The following GNS variants were observed in gnomAD, a reference collection of about 807,000 sequenced individuals.
GNS encodes N-acetylglucosamine-6-sulfatase.
In GNS, 40 loss-of-function variants were observed where a neutral mutation model predicts 69.7. The observed-to-expected ratio is 0.57, with a 90% CI of 0.45 to 0.75. The LOEUF is 0.75. GNS is among the 30% of genes least tolerant of loss of function. GNS has a pLI of 0.00. For missense variants in GNS, 565 were observed against 685.5 expected (o/e 0.82, Z 1.96); for synonymous variants, 243 against 251.6 (o/e 0.97, Z 0.32).
Position 64,747,864 on chromosome 12 carries a change from A to T in GNS, c.307T>A (p.Tyr103Asn). 6.2e-7 allele frequency: 1 copy of T among 1,611,450 alleles called. No individual in the cohort carries two copies. Among genetic ancestry groups the T allele is most frequent in the Non-Finnish European group, 8.5e-7 (1 of 1,177,540 alleles). Residue 103 changes from tyrosine (Y) to asparagine (N), a missense_variant, in exon 3 of 14, where the codon TAC becomes AAC. Tyr to Asn is a moderately radical substitution (Grantham distance 143). Transcript: ENST00000258145. Reference protein sequence around the residue: ...PSRASILTGKYPHNHHVVNNT... With the variant: ...PSRASILTGKNPHNHHVVNNT... Reference sequence around the variant, plus strand: ...TTCACAACGTGATGATTATGTGGGTACTTTCCTGTCAGGATACTGGCTCTG... The same window carrying T: ...TTCACAACGTGATGATTATGTGGGTTCTTTCCTGTCAGGATACTGGCTCTG...
chr12:64,753,213 G>A (rs957078922), intron 1 of GNS, among the ~76,000 whole-genome samples: 6 of 152,030 alleles, frequency 3.9e-5, no homozygotes, highest in Non-Finnish European at 8.8e-5. Context: ...ACTCAGTGGT[G>A]GAGGCCAGAC....
intron 7 of GNS, 151 bp downstream of exon 7, chr12:64,740,455 G>A: frequency 1.5e-6 from 1 of 666,746 alleles, no homozygotes; most frequent in Non-Finnish European, 2.7e-6. Flanking sequence ...GAATCTCTCT[G>A]CTTCTGGTGC....
chr12:64,748,130 C>T (rs777724813), intron 2 of GNS, among the ~76,000 whole-genome samples: 6 of 152,044 alleles, frequency 3.9e-5, no homozygotes, highest in Non-Finnish European at 5.9e-5. Flanking sequence ...AAACTGAGAA[C>T]GGATTTCTTT....
intron 2 of GNS, among the ~76,000 whole-genome samples, chr12:64,752,465 T>C (rs1386402648): frequency 6.6e-6 from 1 of 152,164 alleles, no homozygotes; most frequent in African/African-American, 2.4e-5. Context: ...AATGGTAAGG[T>C]TTAAAATAAA....
At chr12:64,730,638 C>T (rs756085775) in intron 9 of GNS, among the ~76,000 whole-genome samples, 4 of 152,054 alleles carry the variant, frequency 2.6e-5, no homozygotes, top group Non-Finnish European at 4.4e-5. Context: ...GGGGAAAAAC[C>T]TCACACACAA....
intron 13 of GNS, among the ~76,000 whole-genome samples, chr12:64,717,983 T>C (rs1868919011): frequency 6.6e-6 from 1 of 152,140 alleles, no homozygotes. Context: ...ATAAATATTT[T>C]AGGGTATGGG....
intron 7 of GNS, 65 bp from the exon 8 acceptor site, chr12:64,739,564 CA>C (rs368881275): frequency 0.076 from 22,115 of 292,774 alleles, 3 homozygotes; most frequent in East Asian, 0.1. Context: ...ACTATCTTGC[CA>C]AAAAAAAAAA....
chr12:64,741,360 A>T (rs1869728601), intron 6 of GNS, among the ~76,000 whole-genome samples: 1 of 151,822 alleles, frequency 6.6e-6, no homozygotes, highest in South Asian at 2.1e-4. Flanking sequence ...ATCTCGGCTC[A>T]CTGCAACCTG....
At chr12:64,733,146 A>T (rs1869457777) in intron 9 of GNS, among the ~76,000 whole-genome samples, 1 of 151,506 alleles carries the variant, frequency 6.6e-6, no homozygotes, top group East Asian at 1.9e-4. Flanking sequence ...CAAAAAACAA[A>T]AATTAGCTGG....
chr12:64,752,227 G>T (rs1393497806), intron 2 of GNS, among the ~76,000 whole-genome samples: 1 of 152,176 alleles, frequency 6.6e-6, no homozygotes, highest in Non-Finnish European at 1.5e-5. Context: ...GGGATTCCCT[G>T]ATAGTAGGCT....
Position 64,759,389 on chromosome 12 carries a change from C to T in GNS, c.-113G>A, listed in dbSNP as rs912847141. The T allele has an allele frequency of 5.9e-5, 42 of 716,310 alleles. No homozygotes were observed. The East Asian group carries it at 9.1e-4, about 15-fold the overall frequency. The allele number at this position is 716,310 out of a possible 1,614,324, so 44.4% of individuals were successfully genotyped here. ...GAATAAAAAGCCGTGCCTTGAAGGCCGGTGGCTGGAGTCAGACGTTTTCTC... is the reference window on the plus strand; with the variant it reads ...GAATAAAAAGCCGTGCCTTGAAGGCTGGTGGCTGGAGTCAGACGTTTTCTC... On this transcript the variant is annotated 5_prime_UTR_variant, in exon 1 of 14. Transcript: ENST00000258145.
At chr12:64,725,660 A>C (rs1869170958) in intron 10 of GNS, among the ~76,000 whole-genome samples, 1 of 152,140 alleles carries the variant, frequency 6.6e-6, no homozygotes. Flanking sequence ...ACACAACATA[A>C]TGATTTTTAC....
At chr12:64,741,629 A>G (rs1869739840) in intron 6 of GNS, among the ~76,000 whole-genome samples, 1 of 151,988 alleles carries the variant, frequency 6.6e-6, no homozygotes, top group African/African-American at 2.4e-5. Context: ...CGGTCACCCT[A>G]GATCCTAAGG....
In GNS at chr12:64,716,575, T is replaced by C; in HGVS notation, c.*166A>G. On this transcript the variant is annotated 3_prime_UTR_variant, in exon 14 of 14. Transcript: ENST00000258145. ...TGGGCAGAGTTCACAGTTTAACACA[T>C]TGCACGAGGAAGTCAGCTGACTGGG... The C allele has an allele frequency of 1.5e-6, 1 of 679,332 alleles. No individual in the cohort carries two copies. Among genetic ancestry groups the C allele is most frequent in the Non-Finnish European group, 2.7e-6 (1 of 370,418 alleles). 42.1% of individuals were successfully genotyped at this position (679,332 alleles called of 1,614,324 possible). A position where few individuals can be genotyped will look rare whatever the true frequency, so the allele number is the denominator to read the frequency against.
Position 64,752,765 on chromosome 12 carries a change from A to C in GNS, c.193-8T>G, listed in dbSNP as rs1288676509. 7.3e-7 allele frequency: 1 copy of C among 1,373,156 alleles called. No homozygotes were observed. 85.1% of individuals were successfully genotyped at this position (1,373,156 alleles called of 1,614,324 possible). A position where few individuals can be genotyped will look rare whatever the true frequency, so the allele number is the denominator to read the frequency against. On this transcript the variant is annotated splice_region_variant and splice_polypyrimidine_tract_variant and intron_variant, in intron 1 of 13. Transcript: ENST00000258145. Reference sequence around the variant, plus strand: ...GGTTTTCTTTAGCGGTGTCTGTAAAAGTAAGTAATTATCCATTAAACAATT... The same window carrying C: ...GGTTTTCTTTAGCGGTGTCTGTAAACGTAAGTAATTATCCATTAAACAATT...
At chr12:64,757,210 T>C (rs891680651) in intron 1 of GNS, among the ~76,000 whole-genome samples, 2 of 152,088 alleles carry the variant, frequency 1.3e-5, no homozygotes, top group Non-Finnish European at 2.9e-5. Context: ...ACGAAGCAAA[T>C]TGGATTAACA....
At chr12:64,735,065 G>C (rs1376308027) in intron 9 of GNS, among the ~76,000 whole-genome samples, 1 of 152,200 alleles carries the variant, frequency 6.6e-6, no homozygotes, top group East Asian at 1.9e-4. Context: ...AGCTGAGATC[G>C]CACCACTGCA....
intron 13 of GNS, among the ~76,000 whole-genome samples, chr12:64,717,483 C>T (rs563636795): frequency 1.3e-5 from 2 of 151,624 alleles, no homozygotes; most frequent in East Asian, 3.9e-4. Flanking sequence ...TCCAGAGTAG[C>T]TGGGAACACT....
intron 9 of GNS, among the ~76,000 whole-genome samples, chr12:64,732,153 A>ATTTT (rs1210247666): frequency 0.078 from 6,882 of 87,992 alleles, 1,730 homozygotes; most frequent in East Asian, 0.21. Flanking sequence ...CACCTGGCTA[A>ATTTT]TTTTTTTTTT....
Sources: allele counts gnomAD v4.1 joint callset (sites outside exome capture counted in the v4.1 genomes callset), GRCh38; gene constraint gnomAD v4.1.1; transcripts MANE v1.5; gene names NCBI Gene and HGNC (gene_info 2026-07-23, HGNC 2026-07-21).